ARL15: variants seen among roughly 807,000 people sequenced by gnomAD.
ARL15 encodes the protein ARF like GTPase 15.
A neutral mutation model predicts 25.2 loss-of-function variants in ARL15; 19 were observed. The observed-to-expected ratio is 0.75, with a 90% CI of 0.53 to 1.10. ARL15 has a LOEUF of 1.10. Among genes scored for constraint, ARL15 ranks in the 50% least tolerant of loss-of-function variants. The pLI, the probability that ARL15 is intolerant of heterozygous loss-of-function variation, is 0.00. For missense variants in ARL15, 220 were observed against 246.0 expected, an observed-to-expected ratio of 0.89 and a Z score of 0.71; for synonymous variants, 94 against 86.8, an observed-to-expected ratio of 1.08 and a Z score of -0.46.
chr5:54,278,116 C>G (rs1353263516), intron 1 of ARL15, among the ~76,000 whole-genome samples: 5 of 152,210 alleles, frequency 3.3e-5, no homozygotes, highest in African/African-American at 1.2e-4. Flanking sequence ...TCAGCACCAG[C>G]TAATTGCCCA....
chr5:54,031,964 T>A (rs1401890235), intron 4 of ARL15, among the ~76,000 whole-genome samples: 1 of 152,216 alleles, frequency 6.6e-6, no homozygotes, highest in Non-Finnish European at 1.5e-5. Context: ...ATCATTCCAA[T>A]CACTGGTCAG....
At chr5:54,046,779 A>G (rs988280299) in intron 4 of ARL15, among the ~76,000 whole-genome samples, 1 of 152,148 alleles carries the variant, frequency 6.6e-6, no homozygotes, top group Non-Finnish European at 1.5e-5. Context: ...GCAGAAGGGG[A>G]GCCACATGGT....
intron 3 of ARL15, among the ~76,000 whole-genome samples, chr5:54,116,434 GGTAA>G (rs1433677913): frequency 6.6e-6 from 1 of 152,134 alleles, no homozygotes; most frequent in Non-Finnish European, 1.5e-5. Flanking sequence ...GTTACTCGGT[GGTAA>G]GTGTTTAAAA....
chr5:54,190,473 G>A (rs554957381), intron 1 of ARL15, among the ~76,000 whole-genome samples: 2 of 152,028 alleles, frequency 1.3e-5, no homozygotes, highest in Non-Finnish European at 2.9e-5. Context: ...AACAAAATAC[G>A]TAATTTACAA....
intron 1 of ARL15, among the ~76,000 whole-genome samples, chr5:54,194,687 G>C (rs62370453): frequency 6.6e-6 from 1 of 152,164 alleles, no homozygotes; most frequent in Non-Finnish European, 1.5e-5. Flanking sequence ...CGTGAGGAGA[G>C]GAGGGAGGTA....
intron 3 of ARL15, among the ~76,000 whole-genome samples, chr5:54,133,688 T>C (rs969225024): frequency 1.3e-5 from 2 of 152,160 alleles, no homozygotes; most frequent in Non-Finnish European, 2.9e-5. Context: ...AAGAAATGGT[T>C]ACTATGTTAT....
At chr5:54,272,537 A>G (rs1331452703) in intron 1 of ARL15, among the ~76,000 whole-genome samples, 1 of 152,058 alleles carries the variant, frequency 6.6e-6, no homozygotes, top group Non-Finnish European at 1.5e-5. Flanking sequence ...ATGTCACTTA[A>G]GTTGCAAAAT....
chr5:54,053,133 C>T (rs72750232), intron 4 of ARL15, among the ~76,000 whole-genome samples: 14,846 of 152,142 alleles, frequency 0.098, 952 homozygotes, highest in Non-Finnish European at 0.15. Context: ...CACCTGTAAT[C>T]CTAGCTACTT....
intron 4 of ARL15, among the ~76,000 whole-genome samples, chr5:54,105,943 A>G (rs1752577759): frequency 6.6e-6 from 1 of 152,184 alleles, no homozygotes; most frequent in South Asian, 2.1e-4. Flanking sequence ...CTAAACAGGA[A>G]AAAAATAGAT....
intron 1 of ARL15, chr5:54,307,911 G>T (rs1444459137): frequency 6.6e-6 from 1 of 152,166 alleles, no homozygotes; most frequent in Non-Finnish European, 1.5e-5. Flanking sequence ...GCAAAATCTG[G>T]AGTCAAACTT....
chr5:54,301,299 T>C (rs928510925), intron 1 of ARL15, among the ~76,000 whole-genome samples: 2 of 152,206 alleles, frequency 1.3e-5, no homozygotes, highest in African/African-American at 4.8e-5. Context: ...TAGAGCATTA[T>C]GTTACAATTT....
At chr5:54,117,922 T>C (rs1752956811) in intron 3 of ARL15, among the ~76,000 whole-genome samples, 3 of 152,210 alleles carry the variant, frequency 2.0e-5, no homozygotes, top group African/African-American at 7.2e-5. Context: ...CTGACAGCTT[T>C]TCAGTGATGA....
chr5:53,947,094 C>T (rs1746762563), intron 4 of ARL15, among the ~76,000 whole-genome samples: 1 of 150,994 alleles, frequency 6.6e-6, no homozygotes, highest in Non-Finnish European at 1.5e-5. Flanking sequence ...ACATGAGGTT[C>T]GCTAGTCTGT....
intron 4 of ARL15, among the ~76,000 whole-genome samples, chr5:53,977,101 G>A (rs748201235): frequency 1.8e-4 from 27 of 152,324 alleles, no homozygotes; most frequent in South Asian, 4.1e-4. Context: ...GCTCACGCCT[G>A]TAATCCCAGC....
intron 1 of ARL15, among the ~76,000 whole-genome samples, chr5:54,225,036 C>G (rs1756480821): frequency 1.3e-5 from 2 of 152,150 alleles, no homozygotes. Flanking sequence ...TAAATTCCCT[C>G]AAGTTCAACT....
At chr5:54,108,308 T>C (rs1165910968) in intron 4 of ARL15, among the ~76,000 whole-genome samples, 4 of 152,152 alleles carry the variant, frequency 2.6e-5, no homozygotes, top group African/African-American at 9.6e-5. Flanking sequence ...AAACAGTTTG[T>C]ATCTCTCATA....
At chr5:53,902,834 A>C (rs1430968305) in intron 4 of ARL15, among the ~76,000 whole-genome samples, 1 of 152,204 alleles carries the variant, frequency 6.6e-6, no homozygotes, top group Non-Finnish European at 1.5e-5. Context: ...GAAGGAAAAG[A>C]AAAAACAGGA....
chr5:54,112,911 C>T (rs554561136), intron 4 of ARL15, among the ~76,000 whole-genome samples: 39 of 152,244 alleles, frequency 2.6e-4, no homozygotes, highest in African/African-American at 8.9e-4. Context: ...GTTAAAACAA[C>T]ATTAAATAAC....
intron 4 of ARL15, among the ~76,000 whole-genome samples, chr5:53,997,000 C>T (rs1431926454): frequency 6.6e-6 from 1 of 152,132 alleles, no homozygotes; most frequent in Non-Finnish European, 1.5e-5. Flanking sequence ...TTTAATAAAC[C>T]TTCCTTCTCC....
Sources: allele counts gnomAD v4.1 joint callset (sites outside exome capture counted in the v4.1 genomes callset), GRCh38; gene constraint gnomAD v4.1.1; transcripts MANE v1.5; gene names NCBI Gene and HGNC (gene_info 2026-07-23, HGNC 2026-07-21).